The following CDH18 variants were observed in gnomAD, a reference collection of about 807,000 sequenced individuals.
The protein encoded by CDH18 is cadherin 18, also known as cadherin-18.
CDH18 carries 31 observed loss-of-function variants against 67.9 expected under a neutral mutation model. The observed-to-expected ratio is 0.46, with a 90% CI of 0.34 to 0.62. CDH18 has a LOEUF of 0.62. Ranked by LOEUF, CDH18 falls within the 20% of genes least tolerant of loss-of-function variation. CDH18 has a pLI of 0.01. For synonymous variants in CDH18, 362 were observed against 347.2 expected (o/e 1.04, Z -0.48); for missense variants, 890 against 975.5 (o/e 0.91, Z 1.17).
At chr5:20,225,298 G>A (rs758747270) in intron 2 of CDH18, among the ~76,000 whole-genome samples, 1 of 152,072 alleles carries the variant, frequency 6.6e-6, no homozygotes, top group Non-Finnish European at 1.5e-5. Flanking sequence ...TATTGACTTT[G>A]CACTTTTTGT....
At chr5:20,451,117 G>A (rs967814820) in intron 1 of CDH18, among the ~76,000 whole-genome samples, 5 of 151,996 alleles carry the variant, frequency 3.3e-5, no homozygotes, top group South Asian at 4.1e-4. Flanking sequence ...AAACCACATC[G>A]TTCATTATTC....
chr5:19,698,244 T>C (rs1319524157), intron 5 of CDH18, among the ~76,000 whole-genome samples: 1 of 152,172 alleles, frequency 6.6e-6, no homozygotes, highest in Non-Finnish European at 1.5e-5. Flanking sequence ...TGGAAGTTTT[T>C]TTAAATAAAT....
intron 3 of CDH18, among the ~76,000 whole-genome samples, chr5:19,798,120 A>G (rs986929578): frequency 1.3e-5 from 2 of 152,030 alleles, no homozygotes; most frequent in African/African-American, 4.8e-5. Context: ...TCATAACTAT[A>G]ATGTTGGGGA....
In CDH18 at chr5:20,055,990, CTTTTTTTTTTTTTTT is replaced by C. The variant is rs34736791; in HGVS notation, c.-517-63991_-517-63977del. Among the ~76,000 whole-genome samples, 8 of 73,804 alleles carry C rather than the reference CTTTTTTTTTTTTTTT, an allele frequency of 1.1e-4. 1 individual carries two copies. Among genetic ancestry groups the C allele is most frequent in the East Asian group, 8.0e-4 (2 of 2,514 alleles). 48.4% of individuals were successfully genotyped at this position (73,804 alleles called of 152,430 possible). On this transcript the variant is annotated intron_variant, in intron 2 of 14. Transcript: ENST00000507958. ...CTAACTTTAGGGTCCTTTTGGTTTC[CTTTTTTTTTTTTTTT>C]TTTTTTTTTTTTTTGTGAGATTTGA... is the stretch of plus-strand genomic sequence containing the variant.
chr5:19,931,962 T>A lies in CDH18; in HGVS notation c.-257+49098A>T, dbSNP rs1268104605. Among the ~76,000 whole-genome samples, 4 of 151,872 alleles carry A rather than the reference T, an allele frequency of 2.6e-5. No individual in the cohort carries two copies. In the East Asian group the frequency reaches 5.8e-4, roughly 22 times the overall value. ...CTCTATCCTATGCCACCTCTCTTTA[T>A]CTTTAAGCAAAGATCACTCCAACTC... On this transcript the variant is annotated intron_variant, in intron 2 of 12. Coordinates refer to ENST00000382275, the MANE Select transcript of CDH18 (RefSeq NM_004934.5).
chr5:19,522,354 T>C (rs1017020515), intron 9 of CDH18, among the ~76,000 whole-genome samples: 2 of 152,108 alleles, frequency 1.3e-5, no homozygotes, highest in East Asian at 1.9e-4. Flanking sequence ...TAACAAAGTA[T>C]ATGAAAGACC....
At chr5:19,577,464 T>C (rs990651208) in intron 7 of CDH18, among the ~76,000 whole-genome samples, 1 of 152,134 alleles carries the variant, frequency 6.6e-6, no homozygotes, top group African/African-American at 2.4e-5. Context: ...AATGTCAGTG[T>C]TTATAACTGT....
At chr5:19,718,130 T>C (rs1474431421) in intron 5 of CDH18, among the ~76,000 whole-genome samples, 2 of 151,994 alleles carry the variant, frequency 1.3e-5, no homozygotes, top group Non-Finnish European at 2.9e-5. Context: ...CAGAGATGGT[T>C]TACAAAATAG....
At chr5:20,460,391 CTAAATACATAAA>C (rs1199636520) in intron 1 of CDH18, among the ~76,000 whole-genome samples, 81 of 125,066 alleles carry the variant, frequency 6.5e-4, no homozygotes, top group African/African-American at 2.5e-3. Flanking sequence ...GACTCCATCT[CTAAATACATAAA>C]TAAATAAATA....
At chr5:19,681,775 C>T (rs1218786476) in intron 5 of CDH18, among the ~76,000 whole-genome samples, 1 of 151,756 alleles carries the variant, frequency 6.6e-6, no homozygotes, top group Non-Finnish European at 1.5e-5. Context: ...TTTACCCTAA[C>T]CTGTTATAGA....
intron 1 of CDH18, among the ~76,000 whole-genome samples, chr5:20,407,986 AG>A (rs1746437605): frequency 6.6e-6 from 1 of 152,042 alleles, no homozygotes; most frequent in Non-Finnish European, 1.5e-5. Context: ...CAATAGTCAA[AG>A]ATAAGAAGAT....
intron 1 of CDH18, among the ~76,000 whole-genome samples, chr5:20,514,159 A>G (rs1209842951): frequency 3.3e-5 from 5 of 152,226 alleles, no homozygotes; most frequent in African/African-American, 4.8e-5. Context: ...TCTGATCTTA[A>G]TATTCTTCCT....
At chr5:20,035,879 GTTC>G (rs1253917835) in intron 2 of CDH18, among the ~76,000 whole-genome samples, 1 of 151,924 alleles carries the variant, frequency 6.6e-6, no homozygotes, top group East Asian at 1.9e-4. Flanking sequence ...TGTTGTTTTT[GTTC>G]TTGTTTCTGG....
intron 2 of CDH18, among the ~76,000 whole-genome samples, chr5:20,212,628 T>G (rs1740439128): frequency 6.6e-6 from 1 of 151,926 alleles, no homozygotes; most frequent in African/African-American, 2.4e-5. Context: ...TATTCAACAT[T>G]CTTAAGGAAA....
chr5:20,037,224 A>G (rs1739955796), intron 2 of CDH18, among the ~76,000 whole-genome samples: 1 of 151,886 alleles, frequency 6.6e-6, no homozygotes, highest in Non-Finnish European at 1.5e-5. Context: ...GCTCTTTACA[A>G]TTTGGTATGT....
chr5:19,994,976 G>T lies in CDH18; in HGVS notation c.-517-2962C>A, dbSNP rs189815729. Among the ~76,000 whole-genome samples the T allele has an allele frequency of 2.8e-3, 420 of 150,492 alleles. 3 individuals carry two copies. The highest frequency in any genetic ancestry group is 9.6e-3 in the African/African-American group (391 of 40,894). On this transcript the variant is annotated intron_variant, in intron 2 of 14. Coordinates refer to the CDH18 transcript ENST00000507958. ...AAGCTGGAGGCCTAGGAAAGCTGCT[G>T]GTGTATTTCCAGTCCAAACGTGAAG... is the stretch of plus-strand genomic sequence containing the variant.
chr5:20,382,754 T>C (rs915711023), intron 1 of CDH18, among the ~76,000 whole-genome samples: 8 of 152,112 alleles, frequency 5.3e-5, no homozygotes, highest in African/African-American at 1.9e-4. Context: ...CAACACTGGC[T>C]TTACTCTGTT....
At chr5:20,333,255 T>G (rs1269932043) in intron 1 of CDH18, among the ~76,000 whole-genome samples, 1 of 151,984 alleles carries the variant, frequency 6.6e-6, no homozygotes, top group Non-Finnish European at 1.5e-5. Flanking sequence ...ACACCTGTAA[T>G]CCCAGCACTT....
In CDH18 at chr5:20,459,557, T is replaced by C. The variant is rs182729871; in HGVS notation, c.-580+115905A>G. 1.1e-3 allele frequency among the ~76,000 whole-genome samples: 172 copies of C among 152,298 alleles called. 2 individuals are homozygous for C. The highest frequency in any genetic ancestry group is 4.0e-3 in the African/African-American group (168 of 41,576). Reference sequence around the variant, plus strand: ...ACCATGACACTTGATCATCTTTCCCTTCATTTCACAAGGGGAAGGTCCACA... The same window carrying C: ...ACCATGACACTTGATCATCTTTCCCCTCATTTCACAAGGGGAAGGTCCACA... On this transcript the variant is annotated intron_variant, in intron 1 of 14. Coordinates refer to the CDH18 transcript ENST00000507958.
Sources: allele counts gnomAD v4.1 joint callset (sites outside exome capture counted in the v4.1 genomes callset), GRCh38; gene constraint gnomAD v4.1.1; transcripts MANE v1.5; gene names NCBI Gene and HGNC (gene_info 2026-07-23, HGNC 2026-07-21).